Variants in SSH1 observed in about 807,000 individuals in gnomAD.
SSH1 encodes the protein protein phosphatase Slingshot homolog 1.
In SSH1, 43 loss-of-function variants were observed where a neutral mutation model predicts 79.7. The ratio of observed to expected loss-of-function variants is 0.54; its 90% CI spans 0.42 to 0.70. The LOEUF (loss-of-function observed/expected upper bound fraction) is 0.70, where lower values mean the gene tolerates loss of function less well. Ranked by LOEUF, SSH1 falls within the 30% of genes least tolerant of loss-of-function variation. SSH1 has a pLI of 0.00. For missense variants in SSH1, 1,206 were observed against 1,358.8 expected (o/e 0.89, Z 1.77); for synonymous variants, 599 against 538.3 (o/e 1.11, Z -1.56).
intron 8 of SSH1, among the ~76,000 whole-genome samples, chr12:108,806,763 G>A (rs868787412): frequency 1.3e-5 from 2 of 152,202 alleles, no homozygotes; most frequent in South Asian, 2.1e-4. Flanking sequence ...GAGGCAGCCC[G>A]GCCCAGCTGC....
In SSH1 at chr12:108,811,414, G is replaced by A. The variant is rs1026567996; in HGVS notation, c.402-86C>T. The A allele has an allele frequency of 2.2e-5, 28 of 1,245,124 alleles. 1 individual carries two copies. In the Middle Eastern group the frequency reaches 3.3e-3, roughly 147 times the overall value. 77.1% of individuals were successfully genotyped at this position (1,245,124 alleles called of 1,614,324 possible). ...TCCAGCTCACCACCTGGTCCAGGACGGGCTGTTGGACGTACGTGTGGGAGT... is the reference window on the plus strand; with the variant it reads ...TCCAGCTCACCACCTGGTCCAGGACAGGCTGTTGGACGTACGTGTGGGAGT... On this transcript the variant is annotated intron_variant, in intron 5 of 14. Transcript: ENST00000326495.
intron 1 of SSH1, among the ~76,000 whole-genome samples, chr12:108,854,100 T>C (rs1328333450): frequency 6.6e-6 from 1 of 152,192 alleles, no homozygotes; most frequent in Non-Finnish European, 1.5e-5. Flanking sequence ...ACAAAGAGTA[T>C]GTTGGGGTCT....
At chr12:108,794,184 A>T (rs2036640408) in intron 13 of SSH1, among the ~76,000 whole-genome samples, 1 of 152,230 alleles carries the variant, frequency 6.6e-6, no homozygotes, top group Non-Finnish European at 1.5e-5. Flanking sequence ...TTCCAACACC[A>T]GACTGATATC....
intron 14 of SSH1, chr12:108,791,909 C>T (rs749980145): frequency 5.2e-5 from 67 of 1,298,290 alleles, no homozygotes; most frequent in Non-Finnish European, 6.1e-5. Context: ...AGTCATATAT[C>T]GATAAAGGCT....
At chr12:108,838,291 C>T (rs772196179) in intron 2 of SSH1, among the ~76,000 whole-genome samples, 2 of 152,186 alleles carry the variant, frequency 1.3e-5, no homozygotes, top group Non-Finnish European at 2.9e-5. Flanking sequence ...ACTGTTTGCC[C>T]TCTTCGTGTT....
At chr12:108,808,368 T>C (rs189838961) in intron 7 of SSH1, among the ~76,000 whole-genome samples, 41 of 152,344 alleles carry the variant, frequency 2.7e-4, no homozygotes, top group Admixed American at 1.2e-3. Flanking sequence ...TATTCACTGA[T>C]TGAATCTAAG....
chr12:108,831,956 C>A (rs1412799649), intron 2 of SSH1, among the ~76,000 whole-genome samples: 1 of 152,214 alleles, frequency 6.6e-6, no homozygotes, highest in Non-Finnish European at 1.5e-5. Context: ...GTCAACATCA[C>A]AAATTCTCAG....
intron 5 of SSH1, among the ~76,000 whole-genome samples, chr12:108,814,970 C>T (rs1410295081): frequency 6.6e-6 from 1 of 152,218 alleles, no homozygotes; most frequent in Non-Finnish European, 1.5e-5. Flanking sequence ...GGCCTGTGAG[C>T]TCTGTGAGAC....
chr12:108,852,964 A>G lies in SSH1; in HGVS notation c.70-286T>C, dbSNP rs557557520. The G allele has an allele frequency of 6.3e-5, 62 of 985,410 alleles. No homozygotes were observed. The African/African-American group carries it at 1.1e-3, about 17-fold the overall frequency. 61.0% of individuals were successfully genotyped at this position (985,410 alleles called of 1,614,324 possible). On this transcript the variant is annotated intron_variant, in intron 1 of 14. Transcript: ENST00000326495. ...TTCCTATCTGGTGTTGTTACCCAGC[A>G]CGGTCTTTTAGCCCTCAGCCCTCAA...
intron 2 of SSH1, among the ~76,000 whole-genome samples, chr12:108,831,873 A>C (rs535586912): frequency 2.0e-5 from 3 of 152,228 alleles, no homozygotes; most frequent in Non-Finnish European, 4.4e-5. Context: ...CCCTGAGTGA[A>C]CTCACAAATT....
intron 11 of SSH1, among the ~76,000 whole-genome samples, chr12:108,802,017 T>C (rs1196924408): frequency 6.6e-6 from 1 of 151,904 alleles, no homozygotes; most frequent in Non-Finnish European, 1.5e-5. Flanking sequence ...GGGGTGGGGG[T>C]GAGGCAGCAC....
intron 9 of SSH1, 58 bp from the exon 10 acceptor site, chr12:108,805,242 C>G: frequency 1.3e-6 from 2 of 1,583,506 alleles, no homozygotes; most frequent in Non-Finnish European, 1.7e-6. Flanking sequence ...TCGTCCACCT[C>G]AAAAGAATTA....
At chr12:108,827,193 T>A (rs1593101665) in intron 2 of SSH1, 1 of 1,447,318 alleles carries the variant, frequency 6.9e-7, no homozygotes. Flanking sequence ...GCCCCCAAAA[T>A]ATAAACAGCC....
intron 2 of SSH1, among the ~76,000 whole-genome samples, chr12:108,823,652 T>C (rs78703783): frequency 0.059 from 8,997 of 152,188 alleles, 883 homozygotes; most frequent in African/African-American, 0.2. Flanking sequence ...GGGATCTCAC[T>C]GTCATATAAC....
chr12:108,822,650 C>T (rs950694149), intron 3 of SSH1, among the ~76,000 whole-genome samples: 2 of 152,212 alleles, frequency 1.3e-5, no homozygotes, highest in African/African-American at 4.8e-5. Flanking sequence ...TAACTGCCTT[C>T]AGCTCTGAGT....
At chr12:108,808,818 CTTCT>C (rs2037419144) in intron 7 of SSH1, among the ~76,000 whole-genome samples, 3 of 123,786 alleles carry the variant, frequency 2.4e-5, no homozygotes, top group Admixed American at 8.0e-5. Flanking sequence ...CCCTCTTTTA[CTTCT>C]TTTTTTTTTT....
At chr12:108,809,608 T>A in intron 7 of SSH1, 85 bp downstream of exon 7, 1 of 1,169,526 alleles carries the variant, frequency 8.6e-7, no homozygotes, top group South Asian at 1.2e-5. Context: ...CGTAACGAGC[T>A]TCTTGGTAGA....
rs1566012982 is a variant in SSH1, at chr12:108,836,011, AAC to A, written c.111-12652_111-12651del. Among the ~76,000 whole-genome samples, 75 of 145,342 alleles carry A rather than the reference AAC, an allele frequency of 5.2e-4. No individual in the cohort carries two copies. The East Asian group carries it at 9.0e-3, about 17-fold the overall frequency. ...TAACTATATTAATATAATCGATTAT[AAC>A]TATATTAATATAATCGATTATATTA... On this transcript the variant is annotated intron_variant, in intron 2 of 14. Transcript: ENST00000326495.
chr12:108,799,297 C>G (rs949015715), intron 12 of SSH1, 97 bp from the exon 13 acceptor site: 4 of 1,052,844 alleles, frequency 3.8e-6, no homozygotes, highest in Non-Finnish European at 2.7e-6. Flanking sequence ...AGGTTTTACC[C>G]GAATCATTTT....
Sources: allele counts gnomAD v4.1 joint callset (sites outside exome capture counted in the v4.1 genomes callset), GRCh38; gene constraint gnomAD v4.1.1; transcripts MANE v1.5; gene names NCBI Gene and HGNC (gene_info 2026-07-23, HGNC 2026-07-21).